The following RUNX1 variants were observed in gnomAD, a reference collection of about 807,000 sequenced individuals.
RUNX1 encodes RUNX family transcription factor 1.
In RUNX1, 19 loss-of-function variants were observed where a neutral mutation model predicts 42.8. That is an observed-to-expected ratio of 0.44 (90% confidence interval 0.31 to 0.65). The LOEUF is 0.65. Among genes scored for constraint, RUNX1 ranks in the 30% least tolerant of loss-of-function variants. The pLI is 0.07. For synonymous variants in RUNX1, 271 were observed against 289.4 expected, an observed-to-expected ratio of 0.94 and a Z score of 0.64; for missense variants, 528 against 672.0, an observed-to-expected ratio of 0.79 and a Z score of 2.37.
intron 4 of RUNX1, 25 bp downstream of exon 4, chr21:34,886,818 C>T (rs779730061): frequency 4.2e-5 from 68 of 1,612,062 alleles, no homozygotes; most frequent in African/African-American, 9.3e-5. Flanking sequence ...CGCCTGTCCT[C>T]CCACCACCCT....
intron 6 of RUNX1, among the ~76,000 whole-genome samples, chr21:34,848,060 A>G (rs555873613): frequency 6.6e-6 from 1 of 152,358 alleles, no homozygotes; most frequent in African/African-American, 2.4e-5. Flanking sequence ...TGCTTTAATA[A>G]TAGCAGCTAA....
chr21:35,009,238 C>T (rs1299545564), intron 2 of RUNX1, among the ~76,000 whole-genome samples: 1 of 152,178 alleles, frequency 6.6e-6, no homozygotes, highest in Admixed American at 6.5e-5. Context: ...GGATAAAACT[C>T]TCTGCTAGAT....
intron 3 of RUNX1, 76 bp from the exon 4 acceptor site, chr21:34,887,172 C>A: frequency 6.5e-7 from 1 of 1,533,546 alleles, no homozygotes; most frequent in Non-Finnish European, 8.8e-7. Context: ...GCGACAGGGG[C>A]GCGGATCTTC....
chr21:34,790,926 T>C lies in RUNX1; in HGVS notation c.*1209A>G. 4.3e-6 allele frequency: 1 copy of C among 233,594 alleles called. No homozygotes were observed. Among genetic ancestry groups the C allele is most frequent in the Non-Finnish European group, 8.5e-6 (1 of 118,046 alleles). The allele number at this position is 233,594 out of a possible 1,614,324, so 14.5% of individuals were successfully genotyped here. A position where few individuals can be genotyped will look rare whatever the true frequency, so the allele number is the denominator to read the frequency against. ...GTGAAATTATCAGATGACCTTGGGG[T>C]GAGCAAATCCCTGGGCAGAAATCAA... On this transcript the variant is annotated 3_prime_UTR_variant, in exon 9 of 9. Transcript: ENST00000675419.
At chr21:34,995,536 G>A (rs996946158) in intron 2 of RUNX1, among the ~76,000 whole-genome samples, 1 of 150,840 alleles carries the variant, frequency 6.6e-6, no homozygotes, top group African/African-American at 2.5e-5. Flanking sequence ...GACTTCCTGG[G>A]CATAGGTGAC....
chr21:34,891,981 A>G (rs1289720299), intron 3 of RUNX1, among the ~76,000 whole-genome samples: 2 of 152,210 alleles, frequency 1.3e-5, no homozygotes, highest in Admixed American at 1.3e-4. Flanking sequence ...TAAATCTTTT[A>G]CCTTTTTGCT....
In RUNX1 at chr21:35,038,572, C is replaced by CCTCTCT. The variant is rs59976658; in HGVS notation, c.58+10264_58+10269dup. ...TAAGCATGGGAATTTTGAATGCTGG[C>CCTCTCT]CTCTCTCTCTCTCTCTCTCTCTCTC... On this transcript the variant is annotated intron_variant, in intron 2 of 8. Coordinates refer to ENST00000675419, the MANE Select transcript of RUNX1 (RefSeq NM_001754.5). 3.1e-3 allele frequency: 1,045 copies of CCTCTCT among 335,968 alleles called. 3 individuals carry two copies. Among genetic ancestry groups the CCTCTCT allele is most frequent in the East Asian group, 4.9e-3 (51 of 10,514 alleles). The allele number at this position is 335,968 out of a possible 1,614,324, so 20.8% of individuals were successfully genotyped here. A position where few individuals can be genotyped will look rare whatever the true frequency, so the allele number is the denominator to read the frequency against.
chr21:34,910,824 C>T (rs1190446022), intron 2 of RUNX1, among the ~76,000 whole-genome samples: 2 of 151,980 alleles, frequency 1.3e-5, no homozygotes, highest in Non-Finnish European at 2.9e-5. Flanking sequence ...CTCTGTTGCC[C>T]AGGCTGGAGT....
At chr21:34,852,169 A>AAAAAC (rs3831802) in intron 6 of RUNX1, among the ~76,000 whole-genome samples, 27,391 of 150,994 alleles carry the variant, frequency 0.18, 2,623 homozygotes, top group Non-Finnish European at 0.2. Flanking sequence ...CTCTGTCTCA[A>AAAAAC]AAAACAAAAC....
At chr21:34,894,714 T>G (rs2058114829) in intron 2 of RUNX1, among the ~76,000 whole-genome samples, 1 of 152,144 alleles carries the variant, frequency 6.6e-6, no homozygotes, top group South Asian at 2.1e-4. Context: ...CATCCCCCAT[T>G]GAATGTAATT....
At chr21:34,858,033 G>A (rs569947087) in intron 6 of RUNX1, among the ~76,000 whole-genome samples, 44 of 152,324 alleles carry the variant, frequency 2.9e-4, no homozygotes, top group Admixed American at 1.8e-3. Flanking sequence ...GGGAGTCACC[G>A]AGCACAGCAA....
At chr21:34,960,641 A>G (rs1263410196) in intron 2 of RUNX1, among the ~76,000 whole-genome samples, 1 of 152,226 alleles carries the variant, frequency 6.6e-6, no homozygotes, top group Non-Finnish European at 1.5e-5. Context: ...AAGATGAAGC[A>G]ATAGAGGGCC....
intron 2 of RUNX1, among the ~76,000 whole-genome samples, chr21:34,955,899 C>A (rs1339720575): frequency 6.6e-6 from 1 of 152,192 alleles, no homozygotes; most frequent in Admixed American, 6.5e-5. Flanking sequence ...GGCAAGAAGT[C>A]AACTGCACTT....
At chr21:35,047,864 C>G (rs1299215990) in intron 2 of RUNX1, among the ~76,000 whole-genome samples, 1 of 152,142 alleles carries the variant, frequency 6.6e-6, no homozygotes, top group African/African-American at 2.4e-5. Flanking sequence ...GTGCGTGCCC[C>G]GACGCACACG....
intron 3 of RUNX1, among the ~76,000 whole-genome samples, chr21:34,890,750 C>A (rs1314906728): frequency 7.0e-6 from 1 of 143,706 alleles, no homozygotes; most frequent in Non-Finnish European, 1.5e-5. Flanking sequence ...CCCAAACGTC[C>A]ACTTTCTAAC....
intron 2 of RUNX1, among the ~76,000 whole-genome samples, chr21:35,028,177 G>A (rs2059250081): frequency 1.3e-5 from 2 of 152,102 alleles, no homozygotes. Context: ...TTACAGAAAG[G>A]TTCTTAAAGT....
intron 2 of RUNX1, among the ~76,000 whole-genome samples, chr21:34,908,403 T>TA (rs1475274587): frequency 2.0e-5 from 3 of 152,144 alleles, no homozygotes; most frequent in African/African-American, 7.2e-5. Flanking sequence ...AGGGAGGAAC[T>TA]AAAAAATGTG....
At chr21:35,011,916 A>AAG (rs2059129137) in intron 2 of RUNX1, among the ~76,000 whole-genome samples, 1 of 152,190 alleles carries the variant, frequency 6.6e-6, no homozygotes, top group Non-Finnish European at 1.5e-5. Flanking sequence ...GGATTCTGGA[A>AAG]AGCAGCTGGC....
At chr21:34,992,607 G>A (rs34125228) in intron 2 of RUNX1, among the ~76,000 whole-genome samples, 26,247 of 148,836 alleles carry the variant, frequency 0.18, 2,619 homozygotes, top group African/African-American at 0.26. Context: ...GTGATAAGAG[G>A]TATAAAGAAA....
Sources: gnomAD v4.1 joint callset for allele counts (sites outside exome capture counted in the v4.1 genomes callset) on GRCh38, gnomAD v4.1.1 for gene constraint, MANE v1.5 for transcripts, NCBI Gene and HGNC (gene_info 2026-07-23, HGNC 2026-07-21) for gene names.